Variants in ACSS3 observed in about 807,000 individuals in gnomAD.
The protein encoded by ACSS3 is acyl-CoA synthetase short-chain family member 3, mitochondrial.
Under a neutral mutation model 84.2 loss-of-function variants are expected in ACSS3, and 64 were observed. The observed-to-expected ratio is 0.76, with a 90% CI of 0.62 to 0.94. The LOEUF (loss-of-function observed/expected upper bound fraction) is 0.94. Among genes scored for constraint, ACSS3 ranks in the 40% least tolerant of loss-of-function variants. ACSS3 has a pLI of 0.00. For missense variants in ACSS3, 815 were observed against 867.6 expected, an observed-to-expected ratio of 0.94 and a Z score of 0.76; for synonymous variants, 317 against 310.1, an observed-to-expected ratio of 1.02 and a Z score of -0.23.
At chr12:81,252,602 CAT>C (rs150873068) in intron 13 of ACSS3, among the ~76,000 whole-genome samples, 71 of 148,230 alleles carry the variant, frequency 4.8e-4, no homozygotes, top group Admixed American at 6.1e-4. Flanking sequence ...GTCCCGTCAC[CAT>C]ATATATATAT....
Position 81,254,980 on chromosome 12 carries a change from TTTGAG to T in ACSS3, c.*62_*66del, listed in dbSNP as rs2034258217. On this transcript the variant is annotated 3_prime_UTR_variant, in exon 16 of 16. Coordinates refer to ENST00000548058, the MANE Select transcript of ACSS3 (RefSeq NM_024560.4). ...TAATTTCTTAATTGAAATTAAATTATTTGAGTTGTTTCTCAGAAATAAATATTTCA... is the reference window on the plus strand; with the variant it reads ...TAATTTCTTAATTGAAATTAAATTATTTGTTTCTCAGAAATAAATATTTCA... The T allele has an allele frequency of 1.5e-6, 2 of 1,354,796 alleles. No individual in the cohort carries two copies. The highest frequency in any genetic ancestry group is 2.0e-4 in the Middle Eastern group (1 of 5,080). The allele number at this position is 1,354,796 out of a possible 1,614,324, so 83.9% of individuals were successfully genotyped here.
At chr12:81,237,978 G>A (rs55728986) in intron 13 of ACSS3, among the ~76,000 whole-genome samples, 3,073 of 151,718 alleles carry the variant, frequency 0.02, 96 homozygotes, top group African/African-American at 0.069. Context: ...TGAGTATGAT[G>A]TAAGCTCTAG....
chr12:81,232,251 G>A (rs995184730), intron 12 of ACSS3, among the ~76,000 whole-genome samples: 1 of 151,584 alleles, frequency 6.6e-6, no homozygotes, highest in Non-Finnish European at 1.5e-5. Context: ...ATGTGCATGT[G>A]GTATTAACAT....
rs148628977 is a variant in ACSS3 at position 81,215,053 on chromosome 12, T to C, written c.1355-1848T>C. On this transcript the variant is annotated intron_variant, in intron 9 of 15. Coordinates refer to ENST00000548058, the MANE Select transcript of ACSS3 (RefSeq NM_024560.4). The stretch of plus-strand genomic sequence containing the variant: ...GTCATCACCCTGCTCTGGTCTCTCA[T>C]ATCCATTTCGAAGGATAGCTGAGGT... 3.9e-5 allele frequency among the ~76,000 whole-genome samples: 6 copies of C among 152,278 alleles called. No homozygotes were observed. The East Asian group carries it at 1.2e-3, about 29-fold the overall frequency.
At chr12:81,171,587 A>G (rs1184101199) in intron 7 of ACSS3, among the ~76,000 whole-genome samples, 3 of 152,130 alleles carry the variant, frequency 2.0e-5, no homozygotes, top group Non-Finnish European at 2.9e-5. Flanking sequence ...CTTCTTTACT[A>G]TTCTAATAGT....
chr12:81,137,321 TCA>T (rs57701806), intron 3 of ACSS3, among the ~76,000 whole-genome samples: 1,756 of 141,678 alleles, frequency 0.012, 10 homozygotes, highest in African/African-American at 0.018. Flanking sequence ...TTTTCATCCA[TCA>T]CACACACACA....
At chr12:81,188,449 A>G (rs1342652587) in intron 8 of ACSS3, among the ~76,000 whole-genome samples, 1 of 152,092 alleles carries the variant, frequency 6.6e-6, no homozygotes, top group African/African-American at 2.4e-5. Context: ...TCCATTGAAC[A>G]CATCCAGATC....
chr12:81,222,159 C>G (rs2033133137), intron 11 of ACSS3, among the ~76,000 whole-genome samples: 1 of 151,838 alleles, frequency 6.6e-6, no homozygotes, highest in Non-Finnish European at 1.5e-5. Flanking sequence ...CTCTGTATTC[C>G]TAAAAGAATT....
At chr12:81,250,532 A>T (rs2034120199) in intron 13 of ACSS3, among the ~76,000 whole-genome samples, 1 of 152,112 alleles carries the variant, frequency 6.6e-6, no homozygotes. Context: ...TTCTAAAAGC[A>T]CTAAGACTAA....
chr12:81,148,127 T>C (rs1886431696), intron 5 of ACSS3, among the ~76,000 whole-genome samples: 1 of 151,856 alleles, frequency 6.6e-6, no homozygotes, highest in South Asian at 2.1e-4. Context: ...CTCAGTATTT[T>C]GGGATTTGCC....
chr12:81,230,426 G>A (rs1312362220), intron 11 of ACSS3, among the ~76,000 whole-genome samples: 1 of 151,760 alleles, frequency 6.6e-6, no homozygotes, highest in Non-Finnish European at 1.5e-5. Flanking sequence ...GTATAAGGAG[G>A]AAATTTGCTG....
rs772637425 is a variant in ACSS3, at chr12:81,139,190, A to G, written c.705A>G (p.Val235=). 1.9e-6 allele frequency: 3 copies of G among 1,613,942 alleles called. No individual in the cohort carries two copies. Among genetic ancestry groups the G allele is most frequent in the Non-Finnish European group, 2.5e-6 (3 of 1,179,848 alleles). The change falls in exon 4 of 16, where the codon GTA becomes GTG. Residue 235 remains valine, a synonymous_variant. Coordinates refer to ENST00000548058, the MANE Select transcript of ACSS3 (RefSeq NM_024560.4). The part of the protein sequence containing the change: ...GIEPGRRVEY[V]PLVEEALKIG... ...AACCTGGAAGGAGGGTAGAGTACGTACCACTTGTAGAAGAAGCGCTAAAAA... is the reference window on the plus strand; with the variant it reads ...AACCTGGAAGGAGGGTAGAGTACGTGCCACTTGTAGAAGAAGCGCTAAAAA...
At chr12:81,219,038 A>C (rs2033017419) in intron 10 of ACSS3, among the ~76,000 whole-genome samples, 1 of 152,152 alleles carries the variant, frequency 6.6e-6, no homozygotes, top group Non-Finnish European at 1.5e-5. Flanking sequence ...CCTTATGCAA[A>C]CTTGTCACTT....
intron 2 of ACSS3, among the ~76,000 whole-genome samples, chr12:81,112,604 C>T (rs948841417): frequency 6.6e-6 from 1 of 152,158 alleles, no homozygotes; most frequent in Admixed American, 6.6e-5. Flanking sequence ...CTTTTCTTCT[C>T]TAAAGTACTA....
Position 81,109,661 on chromosome 12 carries a change from C to G in ACSS3, c.413C>G (p.Thr138Arg), listed in dbSNP as rs1189651969. The G allele has an allele frequency of 1.2e-6, 2 of 1,610,352 alleles. No homozygotes were observed. The change falls in exon 2 of 16, where the codon ACA becomes AGA. Residue 138 changes from threonine (T) to arginine (R), a missense_variant. By Grantham distance (71) the Thr-to-Arg change is moderately conservative (BLOSUM62 -1). Coordinates refer to ENST00000548058, the MANE Select transcript of ACSS3 (RefSeq NM_024560.4). ...GCTATCATCTATGACAGTCCTGTTA[C>G]AAACACTAAAGCAACCTTTACCTAT... is the stretch of plus-strand genomic sequence containing the variant. ...KIAIIYDSPV[T>R]NTKATFTYKE...
intron 9 of ACSS3, among the ~76,000 whole-genome samples, chr12:81,210,300 T>C (rs2032539431): frequency 6.6e-6 from 1 of 152,170 alleles, no homozygotes; most frequent in African/African-American, 2.4e-5. Flanking sequence ...TATTAGGGTC[T>C]CTCGTATTCA....
At chr12:81,135,112 C>T in intron 3 of ACSS3, 108 bp downstream of exon 3, 1 of 915,136 alleles carries the variant, frequency 1.1e-6, no homozygotes, top group Non-Finnish European at 1.5e-6. Flanking sequence ...ATCCTCCCTT[C>T]AAATAGGATG....
intron 13 of ACSS3, among the ~76,000 whole-genome samples, chr12:81,244,348 T>G (rs2033913769): frequency 6.6e-6 from 1 of 152,126 alleles, no homozygotes; most frequent in African/African-American, 2.4e-5. Context: ...GTAGGATTTT[T>G]TTTTTTACAT....
At chr12:81,240,707 T>G (rs2033770532) in intron 13 of ACSS3, among the ~76,000 whole-genome samples, 1 of 152,082 alleles carries the variant, frequency 6.6e-6, no homozygotes. Flanking sequence ...ACATATTAAA[T>G]ATACTTCTTT....
Sources: gnomAD v4.1 joint callset for allele counts (sites outside exome capture counted in the v4.1 genomes callset) on GRCh38, gnomAD v4.1.1 for gene constraint, MANE v1.5 for transcripts, NCBI Gene and HGNC (gene_info 2026-07-23, HGNC 2026-07-21) for gene names.